Variants in NUDT3 observed in about 807,000 individuals in gnomAD.
The protein encoded by NUDT3 is nudix hydrolase 3, also known as diphosphoinositol polyphosphate phosphohydrolase 1.
A neutral mutation model predicts 23.6 loss-of-function variants in NUDT3; 9 were observed. The observed-to-expected ratio is 0.38, with a 90% CI of 0.23 to 0.66. NUDT3 has a LOEUF of 0.66. NUDT3 is among the 30% of genes least tolerant of loss of function. The pLI, the probability that NUDT3 is intolerant of heterozygous loss-of-function variation, is 0.52. For missense variants in NUDT3, 172 were observed against 218.5 expected (o/e 0.79, Z 1.34); for synonymous variants, 86 against 82.6 (o/e 1.04, Z -0.22).
intron 4 of NUDT3, among the ~76,000 whole-genome samples, chr6:34,289,607 C>T (rs1257568697): frequency 6.6e-6 from 1 of 152,098 alleles, no homozygotes; most frequent in Admixed American, 6.6e-5. Context: ...TCCAGAATTA[C>T]TAGGATGGCT....
intron 1 of NUDT3, among the ~76,000 whole-genome samples, chr6:34,371,318 A>G (rs1013116983): frequency 2.0e-5 from 3 of 151,276 alleles, no homozygotes; most frequent in African/African-American, 7.3e-5. Context: ...AAATAAAAAA[A>G]TTAGCTGGGC....
intron 1 of NUDT3, among the ~76,000 whole-genome samples, chr6:34,371,806 T>C (rs1369922090): frequency 2.6e-5 from 4 of 152,214 alleles, no homozygotes; most frequent in African/African-American, 9.6e-5. Context: ...GCAGGTTTGT[T>C]ACATACGTAT....
Position 34,288,871 on chromosome 6 carries a change from G to C in NUDT3, c.401C>G (p.Pro134Arg), listed in dbSNP as rs1763373745. Residue 134 changes from proline to arginine, a missense_variant, in exon 5 of 5, where the codon CCC becomes CGC. Pro to Arg is a moderately radical substitution (Grantham distance 103). Around this residue, in one of 3 missense-constraint regions of NUDT3, gnomAD observed 63 missense variants for 64.9 expected, o/e 0.97. Coordinates refer to ENST00000607016, the MANE Select transcript of NUDT3 (RefSeq NM_006703.4). The part of the protein sequence containing the change: ...DAIKVLQYHK[P>R]VQASYFETLR... Reference sequence around the variant, plus strand: ...TGTTTCAAAATATGATGCCTGCACGGGTTTGTGATACTGCAGCACTTTTAT... The same window carrying C: ...TGTTTCAAAATATGATGCCTGCACGCGTTTGTGATACTGCAGCACTTTTAT... 1 of 1,613,880 alleles carries C rather than the reference G, an allele frequency of 6.2e-7. No individual in the cohort carries two copies. Among genetic ancestry groups the C allele is most frequent in the Non-Finnish European group, 8.5e-7 (1 of 1,179,976 alleles).
chr6:34,329,282 A>G (rs1764090015), intron 2 of NUDT3, among the ~76,000 whole-genome samples: 1 of 152,088 alleles, frequency 6.6e-6, no homozygotes, highest in Admixed American at 6.6e-5. Flanking sequence ...AAAAAAGAGA[A>G]CAACCATTTT....
intron 2 of NUDT3, among the ~76,000 whole-genome samples, chr6:34,341,128 T>C (rs1764282069): frequency 6.6e-6 from 1 of 152,180 alleles, no homozygotes. Context: ...AACTGAGTTA[T>C]GAGTCCTAAA....
At chr6:34,354,133 G>T (rs991306939) in intron 1 of NUDT3, among the ~76,000 whole-genome samples, 4 of 151,646 alleles carry the variant, frequency 2.6e-5, no homozygotes, top group African/African-American at 9.7e-5. Flanking sequence ...GGCCAGGCTG[G>T]TCTCAAACTC....
intron 1 of NUDT3, among the ~76,000 whole-genome samples, chr6:34,350,591 G>C (rs1764451517): frequency 6.6e-6 from 1 of 150,880 alleles, no homozygotes; most frequent in Admixed American, 6.6e-5. Context: ...TAAATAACTT[G>C]CTGAAAGTAA....
chr6:34,380,888 C>T lies in NUDT3; in HGVS notation c.99+11376G>A, dbSNP rs146329866. Reference sequence around the variant, plus strand: ...AGGATATTCTTCAACTACCCATATTCGACCAAGCTGTTCAGGTCTAGCCTG... The same window carrying T: ...AGGATATTCTTCAACTACCCATATTTGACCAAGCTGTTCAGGTCTAGCCTG... On this transcript the variant is annotated intron_variant, in intron 1 of 4. Coordinates refer to ENST00000607016, the MANE Select transcript of NUDT3 (RefSeq NM_006703.4). 5.8e-4 allele frequency among the ~76,000 whole-genome samples: 88 copies of T among 152,320 alleles called. 1 individual carries two copies. The highest frequency in any genetic ancestry group is 3.4e-3 in the Middle Eastern group (1 of 294).
In NUDT3 at chr6:34,284,493, T is replaced by G. The variant is rs1219935975; in HGVS notation, c.*4260A>C. 1 of 152,012 alleles carries G rather than the reference T, an allele frequency of 6.6e-6. No individual in the cohort carries two copies. The highest frequency in any genetic ancestry group is 1.5e-5 in the Non-Finnish European group (1 of 68,014). 9.4% of individuals were successfully genotyped at this position (152,012 alleles called of 1,614,324 possible). A position where few individuals can be genotyped will look rare whatever the true frequency, so the allele number is the denominator to read the frequency against. On this transcript the variant is annotated 3_prime_UTR_variant, in exon 5 of 5. Coordinates refer to ENST00000607016, the MANE Select transcript of NUDT3 (RefSeq NM_006703.4). The stretch of plus-strand genomic sequence containing the variant: ...TCACATTGTGGCTATTAAATCCTTT[T>G]TGTGAACTAAAAAAAGTGAATGTGG...
intron 2 of NUDT3, among the ~76,000 whole-genome samples, chr6:34,323,879 T>C (rs1032910803): frequency 1.3e-5 from 2 of 152,216 alleles, no homozygotes; most frequent in African/African-American, 2.4e-5. Context: ...TAATTAGCCA[T>C]GGAATTAGGG....
intron 1 of NUDT3, among the ~76,000 whole-genome samples, chr6:34,361,831 G>C (rs1470696736): frequency 6.6e-6 from 1 of 152,192 alleles, no homozygotes; most frequent in Non-Finnish European, 1.5e-5. Flanking sequence ...GAAGACAGTA[G>C]ATCAGTGGTT....
At chr6:34,384,429 T>A (rs1047155309) in intron 1 of NUDT3, among the ~76,000 whole-genome samples, 1 of 152,158 alleles carries the variant, frequency 6.6e-6, no homozygotes, top group Non-Finnish European at 1.5e-5. Context: ...ACAGACCCGT[T>A]AGGAGCAGCT....
At chr6:34,331,200 G>C (rs1041047370) in intron 2 of NUDT3, among the ~76,000 whole-genome samples, 1 of 152,016 alleles carries the variant, frequency 6.6e-6, no homozygotes, top group African/African-American at 2.4e-5. Context: ...CAAGGCTAGA[G>C]ATAATTGAGC....
rs1374437566 is a variant in NUDT3, at chr6:34,288,887, G to A, written c.385C>T (p.Leu129=). 2.5e-6 allele frequency: 4 copies of A among 1,613,576 alleles called. No individual in the cohort carries two copies. Among genetic ancestry groups the A allele is most frequent in the Non-Finnish European group, 3.4e-6 (4 of 1,179,866 alleles). The change falls in exon 5 of 5, where the codon CTG becomes TTG. Residue 129 remains leucine, a synonymous_variant. Transcript: ENST00000607016. ...GCCTGCACGGGTTTGTGATACTGCA[G>A]CACTTTTATGGCGTCTTCTATTTTA... The part of the protein sequence containing the change: ...WFKIEDAIKV[L]QYHKPVQASY...
chr6:34,369,328 A>G (rs1391979598), intron 1 of NUDT3, among the ~76,000 whole-genome samples: 8 of 152,244 alleles, frequency 5.3e-5, no homozygotes, highest in African/African-American at 1.9e-4. Context: ...ACTTGAAAAA[A>G]GCATCCTGAA....
At chr6:34,335,736 T>C (rs1222970397) in intron 2 of NUDT3, among the ~76,000 whole-genome samples, 1 of 151,118 alleles carries the variant, frequency 6.6e-6, no homozygotes, top group Non-Finnish European at 1.5e-5. Flanking sequence ...AGTGTTTTTT[T>C]CTTTGAAAAT....
chr6:34,323,676 G>C (rs796362357), intron 2 of NUDT3, among the ~76,000 whole-genome samples: 1 of 152,214 alleles, frequency 6.6e-6, no homozygotes, highest in Admixed American at 6.5e-5. Context: ...TAGAATTTAG[G>C]AGTGATGTGT....
At chr6:34,382,660 C>A (rs952271153) in intron 1 of NUDT3, among the ~76,000 whole-genome samples, 7 of 151,850 alleles carry the variant, frequency 4.6e-5, no homozygotes, top group Admixed American at 1.3e-4. Flanking sequence ...CATAGCAAGA[C>A]CCTGTCTCTA....
intron 2 of NUDT3, among the ~76,000 whole-genome samples, chr6:34,341,264 T>C (rs1764284260): frequency 6.6e-6 from 1 of 152,090 alleles, no homozygotes. Context: ...ATTCTTGAAA[T>C]AAGAGAACTA....
Sources: gnomAD v4.1 joint callset for allele counts (sites outside exome capture counted in the v4.1 genomes callset) on GRCh38, gnomAD v4.1.1 for gene constraint, gnomAD v4.1.1 regional missense constraint, MANE v1.5 for transcripts, NCBI Gene and HGNC (gene_info 2026-07-23, HGNC 2026-07-21) for gene names.